ENPP2: variants seen among roughly 807,000 people sequenced by gnomAD.
ENPP2 encodes ectonucleotide pyrophosphatase/phosphodiesterase 2, also known as autotaxin.
In ENPP2, 51 loss-of-function variants were observed where a neutral mutation model predicts 120.2. The observed-to-expected ratio is 0.42, with a 90% CI of 0.34 to 0.54. The LOEUF (loss-of-function observed/expected upper bound fraction) is 0.54. Ranked by LOEUF, ENPP2 falls within the 20% of genes least tolerant of loss-of-function variation. The pLI is 0.04. For synonymous variants in ENPP2, 365 were observed against 366.4 expected (o/e 1.00, Z 0.04); for missense variants, 920 against 1,066.5 (o/e 0.86, Z 1.91).
chr8:119,648,074 T>C (rs1187521955), intron 1 of ENPP2, among the ~76,000 whole-genome samples: 1 of 152,242 alleles, frequency 6.6e-6, no homozygotes, highest in Non-Finnish European at 1.5e-5. Context: ...CATGAGACCT[T>C]GCTTAACTTC....
At position 119,587,037 on chromosome 8, in the gene ENPP2, C is replaced by T. The variant is rs1357503332; in HGVS notation, c.1239+7G>A. On this transcript the variant is annotated splice_region_variant and intron_variant, in intron 14 of 24. Transcript: ENST00000075322. ...AGGGCAGAGGCGGGACAACTGGAAA[C>T]ACTTACCGTGAGATTGGCAATAATG... 1.2e-6 allele frequency: 2 copies of T among 1,607,908 alleles called. No homozygotes were observed. The highest frequency in any genetic ancestry group is 1.7e-6 in the Non-Finnish European group (2 of 1,177,578).
chr8:119,562,873 T>A lies in ENPP2; in HGVS notation c.2405A>T (p.Asn802Ile), dbSNP rs756880345. The change falls in exon 24 of 25, where the codon AAC becomes ATC. Residue 802 changes from asparagine (N) to isoleucine (I), a missense_variant. Asn to Ile is a moderately radical substitution (Grantham distance 149). Transcript: ENST00000075322. ...SSFILPHRPD[N>I]EESCNSSEDE... The stretch of plus-strand genomic sequence containing the variant: ...TAAACTCACATTGCAGCTCTCCTCG[T>A]TGTCAGGCCGGTGAGGCAGGATGAA... 1 of 1,614,108 alleles carries A rather than the reference T, an allele frequency of 6.2e-7. No homozygotes were observed. The highest frequency in any genetic ancestry group is 8.5e-7 in the Non-Finnish European group (1 of 1,179,986).
chr8:119,640,115 C>A (rs1817231465), upstream of ENPP2, among the ~76,000 whole-genome samples: 2 of 152,092 alleles, frequency 1.3e-5, no homozygotes, highest in African/African-American at 4.8e-5. Flanking sequence ...GCCTGGGTTT[C>A]ATTACAGATT....
Position 119,557,626 on chromosome 8 carries a change from G to A in ENPP2, c.2487C>T (p.Asp829=), listed in dbSNP as rs776478849. ...AGTCCAGGCTGGTGAGATGTTCAAT[G>A]TCACGCACCCTAGCTGTGTGCATCT... The part of the protein sequence containing the change: ...LMKMHTARVR[D]IEHLTSLDFF... Residue 829 remains aspartate, a synonymous_variant, in exon 25 of 25, where the codon GAC becomes GAT. Transcript: ENST00000075322. The A allele has an allele frequency of 4.3e-6, 7 of 1,610,886 alleles. No homozygotes were observed. In the Admixed American group the frequency reaches 1.2e-4, roughly 27 times the overall value.
intron 9 of ENPP2, among the ~76,000 whole-genome samples, chr8:119,603,256 T>G (rs933212734): frequency 6.6e-6 from 1 of 152,192 alleles, no homozygotes; most frequent in African/African-American, 2.4e-5. Context: ...CAGAGCCTTT[T>G]CATTATACTT....
intron 19 of ENPP2, among the ~76,000 whole-genome samples, chr8:119,574,209 A>G (rs969211675): frequency 1.3e-5 from 2 of 152,106 alleles, no homozygotes; most frequent in Non-Finnish European, 2.9e-5. Flanking sequence ...TCTTTATGAC[A>G]TCTTGGGGGA....
chr8:119,587,764 T>C lies in ENPP2; in HGVS notation c.1208-689A>G, dbSNP rs778440711. Among the ~76,000 whole-genome samples the C allele has an allele frequency of 2.8e-4, 43 of 152,196 alleles. 1 individual carries two copies. Among genetic ancestry groups the C allele is most frequent in the Admixed American group, 9.8e-4 (15 of 15,280 alleles). On this transcript the variant is annotated intron_variant, in intron 13 of 24. Coordinates refer to ENST00000075322, the MANE Select transcript of ENPP2 (RefSeq NM_001040092.3). ...GATTATATTATCTGAAGCTCCCCTT[T>C]TGGGCGGAATGTGGGGAGAAAGAGG...
At chr8:119,617,289 T>C (rs755173390) in intron 6 of ENPP2, 46 bp from the exon 7 acceptor site, 127 of 1,469,654 alleles carry the variant, frequency 8.6e-5, no homozygotes, top group Non-Finnish European at 1.2e-4. Context: ...CCAACAGGAA[T>C]TGCTTATAGA....
intron 9 of ENPP2, 106 bp from the exon 10 acceptor site, chr8:119,601,568 A>G (rs528059958): frequency 1.3e-4 from 97 of 752,392 alleles, no homozygotes; most frequent in Non-Finnish European, 2.1e-5. Flanking sequence ...TCTATTTACC[A>G]CCATCTGTTT....
chr8:119,610,798 G>T (rs1815050272), intron 8 of ENPP2, among the ~76,000 whole-genome samples: 1 of 151,826 alleles, frequency 6.6e-6, no homozygotes, highest in African/African-American at 2.4e-5. Context: ...AGCTACTCAG[G>T]AGGCTGAGGC....
intron 10 of ENPP2, 62 bp from the exon 11 acceptor site, chr8:119,600,812 TA>T: frequency 1.1e-6 from 1 of 942,874 alleles, no homozygotes; most frequent in Non-Finnish European, 1.7e-6. Flanking sequence ...AAATATCACA[TA>T]TTTTTAAAAA....
At chr8:119,621,308 T>C (rs998973995) in intron 4 of ENPP2, 86 bp downstream of exon 4, 2 of 1,163,216 alleles carry the variant, frequency 1.7e-6, no homozygotes, top group Non-Finnish European at 2.6e-6. Flanking sequence ...ATATCCAGTG[T>C]GGTCTATTCC....
intron 4 of ENPP2, among the ~76,000 whole-genome samples, chr8:119,621,008 T>C (rs1209227399): frequency 1.3e-5 from 2 of 152,194 alleles, no homozygotes; most frequent in Non-Finnish European, 2.9e-5. Flanking sequence ...CTCTCCACAC[T>C]CCTCCTTCCC....
intron 11 of ENPP2, chr8:119,595,924 G>A: frequency 6.2e-7 from 1 of 1,613,614 alleles, no homozygotes; most frequent in South Asian, 1.1e-5. Flanking sequence ...GGAGCAACTG[G>A]TCTTTCCTGT....
At chr8:119,663,522 C>T (rs1447672704) in intron 1 of ENPP2, among the ~76,000 whole-genome samples, 1 of 152,068 alleles carries the variant, frequency 6.6e-6, no homozygotes, top group East Asian at 1.9e-4. Flanking sequence ...TTGTTTTTTG[C>T]TAAATCTAAC....
At chr8:119,602,237 CACCTG>C (rs1814364431) in intron 9 of ENPP2, among the ~76,000 whole-genome samples, 1 of 152,064 alleles carries the variant, frequency 6.6e-6, no homozygotes, top group Non-Finnish European at 1.5e-5. Context: ...GCAGGCAGAT[CACCTG>C]AGGTCAGGAG....
chr8:119,605,412 A>G (rs1051809599), intron 9 of ENPP2, among the ~76,000 whole-genome samples: 11 of 140,966 alleles, frequency 7.8e-5, no homozygotes, highest in Admixed American at 6.4e-4. Flanking sequence ...GCAACATCCC[A>G]TGATGAAGAT....
chr8:119,559,233 G>A (rs1213702664), intron 24 of ENPP2, among the ~76,000 whole-genome samples: 1 of 152,102 alleles, frequency 6.6e-6, no homozygotes, highest in Non-Finnish European at 1.5e-5. Flanking sequence ...AGATGGGTCA[G>A]GACCCCCTCA....
intron 2 of ENPP2, among the ~76,000 whole-genome samples, chr8:119,628,982 G>C (rs1272377618): frequency 6.6e-6 from 1 of 151,978 alleles, no homozygotes; most frequent in Non-Finnish European, 1.5e-5. Flanking sequence ...GTAGTTGCCT[G>C]GTCTTTTTGT....
Sources: allele counts gnomAD v4.1 joint callset (sites outside exome capture counted in the v4.1 genomes callset), GRCh38; gene constraint gnomAD v4.1.1; transcripts MANE v1.5; gene names NCBI Gene and HGNC (gene_info 2026-07-23, HGNC 2026-07-21).